The following ACVR1 variants were observed in gnomAD, a reference collection of about 807,000 sequenced individuals.
The protein encoded by ACVR1 is activin receptor type-1.
In ACVR1, 38 loss-of-function variants were observed where a neutral mutation model predicts 57.1. That is an observed-to-expected ratio of 0.67 (90% CI 0.51 to 0.87). The LOEUF (loss-of-function observed/expected upper bound fraction) is 0.87. ACVR1 is among the 40% of genes least tolerant of loss of function. The pLI, the probability that ACVR1 is intolerant of heterozygous loss-of-function variation, is 0.00. For synonymous variants in ACVR1, 212 were observed against 228.1 expected (o/e 0.93, Z 0.63); for missense variants, 463 against 638.2 (o/e 0.73, Z 2.96).
intron 1 of ACVR1, among the ~76,000 whole-genome samples, chr2:157,853,900 A>G (rs1004071333): frequency 1.2e-4 from 19 of 152,132 alleles, no homozygotes; most frequent in Admixed American, 1.2e-3. Context: ...CTTATTCTTC[A>G]AGTCCTCACT....
chr2:157,793,678 TAAG>T (rs776563858), intron 3 of ACVR1, among the ~76,000 whole-genome samples: 85 of 152,308 alleles, frequency 5.6e-4, no homozygotes, highest in African/African-American at 2.0e-3. Context: ...AATGTAATAC[TAAG>T]AAGAAGAAGA....
chr2:157,869,383 A>T (rs1299101996), intron 1 of ACVR1, among the ~76,000 whole-genome samples: 2 of 152,232 alleles, frequency 1.3e-5, no homozygotes, highest in East Asian at 1.9e-4. Flanking sequence ...CAATAAACAA[A>T]CTAAGGCTAA....
intron 9 of ACVR1, 36 bp from the exon 10 acceptor site, chr2:157,738,606 A>G (rs1684632697): frequency 6.2e-7 from 1 of 1,613,806 alleles, no homozygotes. Context: ...TCGGTTAGCA[A>G]GAGAGTACAG....
At chr2:157,783,591 A>G (rs115250654) in intron 3 of ACVR1, among the ~76,000 whole-genome samples, 3,232 of 152,296 alleles carry the variant, frequency 0.021, 126 homozygotes, top group African/African-American at 0.073. Flanking sequence ...TCTTTTCAGT[A>G]AGATGTGAAA....
chr2:157,859,937 C>T (rs1689667316), intron 1 of ACVR1: 1 of 151,904 alleles, frequency 6.6e-6, no homozygotes, highest in African/African-American at 2.4e-5. Context: ...ACTACATTTC[C>T]ACAGGTATAA....
chr2:157,791,851 T>C (rs1482539153), intron 3 of ACVR1, among the ~76,000 whole-genome samples: 1 of 152,170 alleles, frequency 6.6e-6, no homozygotes, highest in Non-Finnish European at 1.5e-5. Flanking sequence ...AACTGGGACG[T>C]GAAGTTAAGG....
At chr2:157,769,099 T>C (rs1451109410) in intron 7 of ACVR1, among the ~76,000 whole-genome samples, 1 of 152,028 alleles carries the variant, frequency 6.6e-6, no homozygotes, top group Non-Finnish European at 1.5e-5. Context: ...TTGGAGGATG[T>C]GAAAAGGATA....
intron 9 of ACVR1, among the ~76,000 whole-genome samples, chr2:157,758,021 T>TA (rs1163407003): frequency 6.6e-6 from 1 of 151,712 alleles, no homozygotes; most frequent in African/African-American, 2.4e-5. Flanking sequence ...TCCCCCCAAT[T>TA]AAAAAATATA....
chr2:157,844,811 G>A lies in ACVR1; in HGVS notation c.-182-26252C>T, dbSNP rs182918099. On this transcript the variant is annotated intron_variant, in intron 1 of 10. Transcript: ENST00000434821. ...TTAAGAGGGGGGGAGCCTTTGGTGC[G>A]TGATTAAGTCATTAGGGAGATTCAT... Among the ~76,000 whole-genome samples the A allele has an allele frequency of 1.3e-4, 20 of 152,044 alleles. 1 individual carries two copies. The highest frequency in any genetic ancestry group is 4.8e-5 in the African/African-American group (2 of 41,404).
chr2:157,796,153 T>C (rs2105301698), intron 3 of ACVR1, among the ~76,000 whole-genome samples: 1 of 143,884 alleles, frequency 7.0e-6, no homozygotes, highest in Admixed American at 6.9e-5. Flanking sequence ...GCCCAGGAGG[T>C]TGAGACCACA....
chr2:157,750,667 T>C lies in ACVR1; in HGVS notation c.1264+10213A>G, dbSNP rs370175903. Reference sequence around the variant, plus strand: ...TATACCAGATGTGCTGATATCAACGTAGAGACACAAAGAACATGAAAAAAA... The same window carrying C: ...TATACCAGATGTGCTGATATCAACGCAGAGACACAAAGAACATGAAAAAAA... On this transcript the variant is annotated intron_variant, in intron 9 of 10. Coordinates refer to ENST00000434821, the MANE Select transcript of ACVR1 (RefSeq NM_001111067.4). Among the ~76,000 whole-genome samples the C allele has an allele frequency of 2.2e-4, 34 of 151,640 alleles. 1 individual carries two copies. The South Asian group carries it at 6.9e-3, about 31-fold the overall frequency.
intron 8 of ACVR1, 150 bp downstream of exon 8, chr2:157,765,771 G>C: frequency 1.4e-6 from 1 of 700,566 alleles, no homozygotes; most frequent in Admixed American, 2.5e-5. Flanking sequence ...GAGAATCTAT[G>C]TGGTGGGTAT....
At chr2:157,817,721 C>T (rs771319507) in intron 2 of ACVR1, among the ~76,000 whole-genome samples, 6 of 152,098 alleles carry the variant, frequency 3.9e-5, no homozygotes, top group Non-Finnish European at 8.8e-5. Context: ...AAAATTAGGG[C>T]CGGGCACAGT....
chr2:157,799,874 G>T (rs1687260141), intron 2 of ACVR1, among the ~76,000 whole-genome samples: 1 of 152,154 alleles, frequency 6.6e-6, no homozygotes, highest in South Asian at 2.1e-4. Flanking sequence ...TAAAAAACCT[G>T]AGAAGCATGA....
At chr2:157,793,140 G>A (rs1686982390) in intron 3 of ACVR1, among the ~76,000 whole-genome samples, 2 of 152,274 alleles carry the variant, frequency 1.3e-5, no homozygotes, top group South Asian at 2.1e-4. Flanking sequence ...AAGAGGAGAT[G>A]GCATTCATCC....
intron 1 of ACVR1, among the ~76,000 whole-genome samples, chr2:157,840,818 G>A (rs760569183): frequency 5.3e-5 from 8 of 152,254 alleles, no homozygotes; most frequent in African/African-American, 9.6e-5. Context: ...AGGCGATCAC[G>A]CGCCACATCC....
intron 1 of ACVR1, among the ~76,000 whole-genome samples, chr2:157,842,114 A>G (rs966353025): frequency 2.0e-5 from 3 of 152,120 alleles, no homozygotes; most frequent in Non-Finnish European, 4.4e-5. Flanking sequence ...ATTCTAGGGA[A>G]ACATCCCTTG....
chr2:157,759,144 A>G (rs1685548363), intron 9 of ACVR1, among the ~76,000 whole-genome samples: 1 of 152,046 alleles, frequency 6.6e-6, no homozygotes, highest in South Asian at 2.1e-4. Context: ...GTCATAGCAA[A>G]ACTAAACAAA....
chr2:157,765,503 G>C (rs932309577), intron 8 of ACVR1, among the ~76,000 whole-genome samples: 6 of 152,036 alleles, frequency 3.9e-5, no homozygotes, highest in Non-Finnish European at 8.8e-5. Flanking sequence ...ACAGGGATTT[G>C]GGTTTTACAA....
Sources: gnomAD v4.1 joint callset for allele counts (sites outside exome capture counted in the v4.1 genomes callset) on GRCh38, gnomAD v4.1.1 for gene constraint, MANE v1.5 for transcripts, NCBI Gene and HGNC (gene_info 2026-07-23, HGNC 2026-07-21) for gene names.